The following CREM variants were observed in gnomAD, a reference collection of about 807,000 sequenced individuals.
The protein encoded by CREM is cAMP-responsive element modulator.
A neutral mutation model predicts 37.3 loss-of-function variants in CREM; 13 were observed. That is an observed-to-expected ratio of 0.35 (90% CI 0.23 to 0.55). The LOEUF (loss-of-function observed/expected upper bound fraction) is 0.55, where lower values mean the gene tolerates loss of function less well. CREM is among the 20% of genes least tolerant of loss of function. CREM has a pLI of 0.88. For missense variants in CREM, 296 were observed against 362.3 expected (o/e 0.82, Z 1.49); for synonymous variants, 124 against 120.2 (o/e 1.03, Z -0.21).
intron 6 of CREM, among the ~76,000 whole-genome samples, chr10:35,202,419 T>C (rs1431563565): frequency 3.3e-5 from 5 of 152,200 alleles, no homozygotes; most frequent in African/African-American, 1.2e-4. Flanking sequence ...AGAGATTATC[T>C]TTGTATCTTT....
chr10:35,135,805 A>G (rs950080712), intron 1 of CREM, among the ~76,000 whole-genome samples: 8 of 152,092 alleles, frequency 5.3e-5, no homozygotes, highest in African/African-American at 1.7e-4. Context: ...AATTTGGAAG[A>G]AAAGCATGAA....
At chr10:35,186,726 ATATAATTATATATAGT>A (rs1234254944) in intron 5 of CREM, among the ~76,000 whole-genome samples, 7 of 135,130 alleles carry the variant, frequency 5.2e-5, no homozygotes, top group African/African-American at 8.2e-5. Flanking sequence ...ATATAACTAT[ATATAATTATATATAGT>A]TATAATTATA....
At chr10:35,210,262 T>C (rs1436088218) in intron 7 of CREM, among the ~76,000 whole-genome samples, 3 of 152,086 alleles carry the variant, frequency 2.0e-5, no homozygotes, top group African/African-American at 7.2e-5. Flanking sequence ...TCCTCCAAAA[T>C]GAGGCCAATT....
chr10:35,162,843 C>A (rs1304504698), intron 3 of CREM, among the ~76,000 whole-genome samples: 2 of 152,036 alleles, frequency 1.3e-5, no homozygotes, highest in Non-Finnish European at 2.9e-5. Flanking sequence ...CTCCATTTGC[C>A]CAGTTGTGAG....
intron 3 of CREM, among the ~76,000 whole-genome samples, chr10:35,174,419 G>A (rs1220528026): frequency 1.3e-5 from 2 of 152,092 alleles, no homozygotes; most frequent in Non-Finnish European, 2.9e-5. Context: ...TCTCTTACAC[G>A]GATAAAACAT....
intron 3 of CREM, among the ~76,000 whole-genome samples, chr10:35,160,741 T>C (rs193091249): frequency 6.6e-6 from 1 of 152,378 alleles, no homozygotes; most frequent in Admixed American, 6.5e-5. Flanking sequence ...TGCATAAAAA[T>C]GTTTTCTTCT....
At chr10:35,145,742 C>T (rs941638042) in intron 2 of CREM, among the ~76,000 whole-genome samples, 8 of 135,188 alleles carry the variant, frequency 5.9e-5, no homozygotes, top group African/African-American at 1.9e-4. Flanking sequence ...TGCCTCTGCA[C>T]TCCAGCCTGG....
chr10:35,207,599 C>T (rs990769687), intron 7 of CREM, among the ~76,000 whole-genome samples: 1 of 152,054 alleles, frequency 6.6e-6, no homozygotes. Flanking sequence ...TATGACGAAA[C>T]CCTGTCTCTA....
chr10:35,136,817 C>G (rs1413713232), intron 1 of CREM, among the ~76,000 whole-genome samples: 1 of 130,672 alleles, frequency 7.7e-6, no homozygotes, highest in Admixed American at 8.4e-5. Flanking sequence ...TTTTGGGACT[C>G]TGTCTCAAAA....
chr10:35,183,096 A>G (rs938339272), intron 5 of CREM, among the ~76,000 whole-genome samples: 2 of 152,142 alleles, frequency 1.3e-5, no homozygotes, highest in Non-Finnish European at 2.9e-5. Flanking sequence ...TCCTGTACCA[A>G]TTAAAGACTA....
At chr10:35,142,837 G>T (rs1212097998) in intron 2 of CREM, among the ~76,000 whole-genome samples, 1 of 152,086 alleles carries the variant, frequency 6.6e-6, no homozygotes, top group Non-Finnish European at 1.5e-5. Flanking sequence ...CAAACTCCTA[G>T]GCTCATGTGA....
At chr10:35,154,903 A>T (rs1019371067) in intron 3 of CREM, among the ~76,000 whole-genome samples, 3 of 152,188 alleles carry the variant, frequency 2.0e-5, no homozygotes, top group African/African-American at 4.8e-5. Flanking sequence ...AGAATTTGTT[A>T]TGTATCTGTA....
intron 3 of CREM, chr10:35,175,610 C>G (rs141314816): frequency 2.1e-5 from 32 of 1,536,482 alleles, no homozygotes; most frequent in African/African-American, 6.8e-5. Context: ...TCTTAGCCAC[C>G]GAAGTATGGG....
At chr10:35,211,046 G>C (rs2095654426) in intron 7 of CREM, among the ~76,000 whole-genome samples, 1 of 152,202 alleles carries the variant, frequency 6.6e-6, no homozygotes, top group African/African-American at 2.4e-5. Flanking sequence ...TGTGATGAAT[G>C]CTGGGCGAAC....
Position 35,188,295 on chromosome 10 carries a change from C to G in CREM, c.505C>G (p.Pro169Ala). 6.2e-7 allele frequency: 1 copy of G among 1,614,166 alleles called. No individual in the cohort carries two copies. The highest frequency in any genetic ancestry group is 8.5e-7 in the Non-Finnish European group (1 of 1,180,022). Residue 169 changes from proline (P) to alanine (A), a missense_variant, in exon 6 of 8, where the codon CCT becomes GCT. This residue lies in a region of CREM where 257 missense variants were observed against 280.2 expected (regional missense o/e 0.92). Transcript: ENST00000685392. ...QALTMTNSGA[P>A]PPGATIVQYA... ...ATTAACAATGACAAATTCAGGAGCT[C>G]CTCCACCAGGTGCTACAATTGTACA...
chr10:35,155,022 G>A (rs978919971), intron 3 of CREM, among the ~76,000 whole-genome samples: 2 of 152,284 alleles, frequency 1.3e-5, no homozygotes, highest in African/African-American at 4.8e-5. Context: ...TATTAAAGGT[G>A]ACAGTACTTT....
At chr10:35,139,572 T>C (rs1475953092) in intron 2 of CREM, among the ~76,000 whole-genome samples, 1 of 152,226 alleles carries the variant, frequency 6.6e-6, no homozygotes, top group Non-Finnish European at 1.5e-5. Context: ...AATTATTTTG[T>C]AATTCATAAT....
At chr10:35,202,387 A>C (rs1433501239) in intron 6 of CREM, among the ~76,000 whole-genome samples, 2 of 152,182 alleles carry the variant, frequency 1.3e-5, no homozygotes, top group African/African-American at 4.8e-5. Flanking sequence ...AAAACTTGTG[A>C]CATTTAGATT....
chr10:35,174,070 C>T (rs1375750282), intron 3 of CREM, among the ~76,000 whole-genome samples: 4 of 152,122 alleles, frequency 2.6e-5, no homozygotes, highest in Non-Finnish European at 1.5e-5. Context: ...TTTTTCTTTT[C>T]CCTGGAATCT....
Sources: gnomAD v4.1 joint callset for allele counts (sites outside exome capture counted in the v4.1 genomes callset) on GRCh38, gnomAD v4.1.1 for gene constraint, gnomAD v4.1.1 regional missense constraint, MANE v1.5 for transcripts, NCBI Gene and HGNC (gene_info 2026-07-23, HGNC 2026-07-21) for gene names.